Variants in FMN1 observed in about 807,000 individuals in gnomAD.
FMN1 encodes the protein formin-1.
FMN1 carries 110 observed loss-of-function variants against 132.4 expected under a neutral mutation model. The ratio of observed to expected loss-of-function variants is 0.83; its 90% CI spans 0.71 to 0.97. The LOEUF is 0.97. Ranked by LOEUF, FMN1 falls within the 50% of genes least tolerant of loss-of-function variation. The probability of loss-of-function intolerance (pLI) is 0.00; values close to 1 mark genes in which losing one functional copy is unlikely to be tolerated. For synonymous variants in FMN1, 722 were observed against 651.7 expected (o/e 1.11, Z -1.64); for missense variants, 1,792 against 1,705.3 (o/e 1.05, Z -0.90).
chr15:32,863,383 G>A (rs1220061063), intron 16 of FMN1, among the ~76,000 whole-genome samples: 2 of 152,134 alleles, frequency 1.3e-5, no homozygotes, highest in Admixed American at 1.3e-4. Flanking sequence ...GCAGTGAGCC[G>A]AGATTGTGCC....
At chr15:32,965,402 A>AAAT (rs531861104) in intron 8 of FMN1, among the ~76,000 whole-genome samples, 57 of 152,182 alleles carry the variant, frequency 3.7e-4, no homozygotes, top group Middle Eastern at 6.8e-3. Flanking sequence ...TCCATCTCAA[A>AAAT]AATAATAATA....
At chr15:32,804,404 T>G in intron 17 of FMN1, 72 bp from the exon 18 acceptor site, 5 of 503,990 alleles carry the variant, frequency 9.9e-6, no homozygotes, top group East Asian at 6.7e-5. Flanking sequence ...CAGCTTCAAT[T>G]ACACCCATTC....
intron 6 of FMN1, among the ~76,000 whole-genome samples, chr15:33,026,110 C>T (rs1596499033): frequency 9.1e-6 from 1 of 109,842 alleles, no homozygotes; most frequent in Admixed American, 9.2e-5. Context: ...CACACACACA[C>T]ACACACACAC....
chr15:32,849,853 C>T (rs1443363988), intron 17 of FMN1, among the ~76,000 whole-genome samples: 1 of 152,106 alleles, frequency 6.6e-6, no homozygotes, highest in Admixed American at 6.6e-5. Context: ...GATGGGGTTT[C>T]GCCATGTTGG....
At chr15:32,972,533 G>C (rs1300050527) in intron 7 of FMN1, among the ~76,000 whole-genome samples, 1 of 152,118 alleles carries the variant, frequency 6.6e-6, no homozygotes. Context: ...TGCCACATTT[G>C]TTAAGAGTTG....
chr15:32,898,801 G>C (rs780435084), intron 15 of FMN1, 33 bp downstream of exon 15: 2 of 1,397,524 alleles, frequency 1.4e-6, no homozygotes, highest in Non-Finnish European at 2.0e-6. Flanking sequence ...ATGAGTAAGA[G>C]GTGAAACTTT....
intron 16 of FMN1, among the ~76,000 whole-genome samples, chr15:32,883,509 CAAAAAAA>C (rs60737133): frequency 6.6e-3 from 170 of 25,904 alleles, no homozygotes; most frequent in East Asian, 0.025. Context: ...GAACCTATCT[CAAAAAAA>C]AAAAAAAAAA....
Position 32,951,186 on chromosome 15 carries a change from C to T in FMN1, c.3138+12921G>A, listed in dbSNP as rs1040091510. ...GTTTATTTATTTATAGACTATCATG[C>T]TCTCCAAAGATTTAAAAAGGTGATA... On this transcript the variant is annotated intron_variant, in intron 9 of 20. Transcript: ENST00000616417. Among the ~76,000 whole-genome samples the T allele has an allele frequency of 7.9e-5, 12 of 152,244 alleles. No individual in the cohort carries two copies. The East Asian group carries it at 2.1e-3, about 27-fold the overall frequency.
At chr15:32,872,477 T>G (rs1202588778) in intron 16 of FMN1, among the ~76,000 whole-genome samples, 1 of 152,204 alleles carries the variant, frequency 6.6e-6, no homozygotes, top group African/African-American at 2.4e-5. Context: ...AAAATAGTAC[T>G]CCTATAGGAA....
Position 33,046,748 on chromosome 15 carries a change from G to C in FMN1, c.2161+18209C>G, listed in dbSNP as rs866879545. On this transcript the variant is annotated intron_variant, in intron 6 of 20. Transcript: ENST00000616417. ...GAATTTCTTACAAGTCAGACTTCTG[G>C]TCTCTCTCTCTGTGCAAACTGGTTG... Among the ~76,000 whole-genome samples, 383 of 151,902 alleles carry C rather than the reference G, an allele frequency of 2.5e-3. 1 individual carries two copies. Among genetic ancestry groups the C allele is most frequent in the African/African-American group, 8.7e-3 (361 of 41,438 alleles).
intron 6 of FMN1, among the ~76,000 whole-genome samples, chr15:33,044,726 A>G (rs551741688): frequency 2.0e-5 from 3 of 152,262 alleles, no homozygotes; most frequent in South Asian, 2.1e-4. Context: ...CAGCTGCAGG[A>G]GCTACACACC....
intron 9 of FMN1, among the ~76,000 whole-genome samples, chr15:32,948,067 T>C (rs1213126033): frequency 6.6e-6 from 1 of 152,038 alleles, no homozygotes; most frequent in African/African-American, 2.4e-5. Flanking sequence ...CCTTGTCACA[T>C]GCCTGCTTCG....
At chr15:32,776,592 T>G (rs1003805130) in intron 20 of FMN1, among the ~76,000 whole-genome samples, 6 of 152,014 alleles carry the variant, frequency 3.9e-5, no homozygotes, top group Non-Finnish European at 8.8e-5. Flanking sequence ...GGATGTGAAA[T>G]GGTAAGTGAC....
At chr15:32,800,974 G>C in intron 18 of FMN1, among the ~76,000 whole-genome samples, 1 of 152,300 alleles carries the variant, frequency 6.6e-6, no homozygotes, top group East Asian at 1.9e-4. Flanking sequence ...ATGGGGAAGG[G>C]AAAGTCTTTC....
intron 4 of FMN1, among the ~76,000 whole-genome samples, chr15:33,146,962 C>G (rs1964248091): frequency 6.6e-6 from 1 of 152,018 alleles, no homozygotes; most frequent in Non-Finnish European, 1.5e-5. Flanking sequence ...ATCACGAGGT[C>G]AGGAGTTCAA....
At chr15:33,113,291 G>A (rs1421989548) in intron 4 of FMN1, among the ~76,000 whole-genome samples, 1 of 152,226 alleles carries the variant, frequency 6.6e-6, no homozygotes, top group South Asian at 2.1e-4. Context: ...TAATTAAACA[G>A]GATGAGTGTT....
At chr15:32,818,867 T>C (rs919539439) in intron 17 of FMN1, among the ~76,000 whole-genome samples, 1 of 148,268 alleles carries the variant, frequency 6.7e-6, no homozygotes, top group South Asian at 2.1e-4. Flanking sequence ...AGTGCCACCA[T>C]CTCCTGTACG....
At chr15:33,155,680 G>T (rs1964643739) in intron 3 of FMN1, among the ~76,000 whole-genome samples, 1 of 151,998 alleles carries the variant, frequency 6.6e-6, no homozygotes, top group South Asian at 2.1e-4. Flanking sequence ...TTTATTTTTT[G>T]TTGTTGTATT....
intron 18 of FMN1, among the ~76,000 whole-genome samples, chr15:32,801,751 C>T (rs1424899834): frequency 1.3e-5 from 2 of 152,182 alleles, no homozygotes; most frequent in Non-Finnish European, 2.9e-5. Flanking sequence ...GCCCAGACTG[C>T]GCCACTGCAA....
Sources: allele counts gnomAD v4.1 joint callset (sites outside exome capture counted in the v4.1 genomes callset), GRCh38; gene constraint gnomAD v4.1.1; transcripts MANE v1.5; gene names NCBI Gene and HGNC (gene_info 2026-07-23, HGNC 2026-07-21).